The following MCCC2 variants were observed in gnomAD, a reference collection of about 807,000 sequenced individuals.
The protein encoded by MCCC2 is methylcrotonoyl-CoA carboxylase beta chain, mitochondrial.
MCCC2 carries 52 observed loss-of-function variants against 77.2 expected under a neutral mutation model. The ratio of observed to expected loss-of-function variants is 0.67; its 90% CI spans 0.54 to 0.85. The LOEUF (loss-of-function observed/expected upper bound fraction) is 0.85, where lower values mean the gene tolerates loss of function less well. Among genes scored for constraint, MCCC2 ranks in the 40% least tolerant of loss-of-function variants. The pLI is 0.00. For synonymous variants in MCCC2, 253 were observed against 248.4 expected, an observed-to-expected ratio of 1.02 and a Z score of -0.18; for missense variants, 682 against 703.2, an observed-to-expected ratio of 0.97 and a Z score of 0.34.
chr5:71,650,072 A>G lies in MCCC2; in HGVS notation c.1377A>G (p.Pro459=). ...NYGMCGRAYS[P]RFLYIWPNAR... is the part of the protein sequence containing the mutation. ...ATTCTTCCTTTTCTTCCCCCAGCCC[A>G]AGATTTCTCTACATTTGGCCAAATG... is the stretch of plus-strand genomic sequence containing the variant. The change falls in exon 15 of 17, where the codon CCA becomes CCG. Residue 459 remains proline (P), a synonymous_variant. Coordinates refer to ENST00000340941, the MANE Select transcript of MCCC2 (RefSeq NM_022132.5). The G allele has an allele frequency of 6.2e-7, 1 of 1,613,656 alleles. No individual in the cohort carries two copies.
chr5:71,628,100 TC>T (rs1286977112), intron 7 of MCCC2, among the ~76,000 whole-genome samples: 2 of 152,238 alleles, frequency 1.3e-5, no homozygotes, highest in East Asian at 3.8e-4. Flanking sequence ...TGCCTCAGCC[TC>T]CCAAAGTGCT....
chr5:71,599,860 A>G (rs542252859), intron 4 of MCCC2, 100 bp downstream of exon 4: 6 of 932,560 alleles, frequency 6.4e-6, no homozygotes, highest in South Asian at 2.7e-5. Flanking sequence ...TGCGATTTGT[A>G]TGCTATTTAT....
At position 71,652,691 on chromosome 5, in the gene MCCC2, C is replaced by T. The variant is rs1280063335; in HGVS notation, c.1511C>T (p.Ala504Val). 1.2e-6 allele frequency: 2 copies of T among 1,614,000 alleles called. No homozygotes were observed. The highest frequency in any genetic ancestry group is 4.5e-5 in the East Asian group (2 of 44,900). Residue 504 changes from alanine to valine, a missense_variant, in exon 16 of 17, where the codon GCT becomes GTT. Physicochemically the swap from Ala to Val is moderately conservative, Grantham distance 64. Transcript: ENST00000340941. ...TAGTTCTCCAGTGCTGATGAAGCGG[C>T]TTTAAAAGAGCCCATCATTAAGAAG... ...GKQFSSADEAALKEPIIKKFE... is the reference protein window; with the variant it reads ...GKQFSSADEAVLKEPIIKKFE...
At chr5:71,642,529 G>A (rs1190382961) in intron 11 of MCCC2, among the ~76,000 whole-genome samples, 7 of 152,156 alleles carry the variant, frequency 4.6e-5, no homozygotes, top group South Asian at 4.1e-4. Context: ...CCTACTCAGC[G>A]CATCCTGTCT....
At chr5:71,635,462 G>A (rs1746884057) in intron 10 of MCCC2, 2 of 618,234 alleles carry the variant, frequency 3.2e-6, no homozygotes, top group African/African-American at 1.8e-5. Flanking sequence ...GGACCTCAAT[G>A]ATTGGAAAGT....
chr5:71,608,302 GT>G (rs1169543604), intron 6 of MCCC2, among the ~76,000 whole-genome samples: 2 of 121,784 alleles, frequency 1.6e-5, no homozygotes, highest in Non-Finnish European at 3.4e-5. Flanking sequence ...AGCTCTTCTT[GT>G]TGAATTGATC....
In MCCC2 at chr5:71,610,172, T is replaced by A. The variant is rs1745873463; in HGVS notation, c.624+5704T>A. Among the ~76,000 whole-genome samples the A allele has an allele frequency of 3.9e-5, 6 of 152,360 alleles. No individual in the cohort carries two copies. In the South Asian group the frequency reaches 1.2e-3, roughly 32 times the overall value. ...GCGAGCGCCCCTCCCCCAGCCTCGC[T>A]GCCGCCTTGCAGTTTGATCTCAGAC... On this transcript the variant is annotated intron_variant, in intron 6 of 16. Coordinates refer to ENST00000340941, the MANE Select transcript of MCCC2 (RefSeq NM_022132.5).
intron 3 of MCCC2, among the ~76,000 whole-genome samples, chr5:71,597,680 A>G (rs558850606): frequency 1.3e-5 from 2 of 152,326 alleles, no homozygotes; most frequent in East Asian, 3.9e-4. Context: ...TTCTCCTGAC[A>G]CGTGCACACA....
intron 8 of MCCC2, among the ~76,000 whole-genome samples, chr5:71,633,091 T>TTATATATATATATATATATATA (rs137979624): frequency 1.2e-5 from 1 of 84,242 alleles, no homozygotes; most frequent in African/African-American, 5.1e-5. Context: ...TTTTTCAGTT[T>TTATATATATATATATATATATA]TATATATATA....
intron 13 of MCCC2, among the ~76,000 whole-genome samples, chr5:71,647,527 T>C (rs1047783287): frequency 6.6e-6 from 1 of 152,228 alleles, no homozygotes; most frequent in East Asian, 1.9e-4. Context: ...TTTGAAGATA[T>C]CTACATTTTT....
intron 11 of MCCC2, among the ~76,000 whole-genome samples, chr5:71,643,416 G>A (rs990632980): frequency 6.6e-5 from 10 of 152,228 alleles, no homozygotes; most frequent in Admixed American, 2.6e-4. Context: ...TGGCTTATCA[G>A]TATGTTGATA....
chr5:71,593,538 ATAAT>A (rs556656000), intron 2 of MCCC2, among the ~76,000 whole-genome samples: 280 of 151,404 alleles, frequency 1.8e-3, no homozygotes, highest in Non-Finnish European at 2.8e-3. Flanking sequence ...TTATGAATAA[ATAAT>A]TTATTTTTAA....
At chr5:71,619,905 C>T (rs371754217) in intron 6 of MCCC2, among the ~76,000 whole-genome samples, 3 of 151,786 alleles carry the variant, frequency 2.0e-5, no homozygotes, top group African/African-American at 2.4e-5. Context: ...GCAGTAGAAT[C>T]GCTTGGACCC....
rs778175767 is a variant in MCCC2 at position 71,649,188 on chromosome 5, G to A, written c.1308G>A (p.Lys436=). 6 of 1,614,076 alleles carry A rather than the reference G, an allele frequency of 3.7e-6. No homozygotes were observed. The change falls in exon 14 of 17, where the codon AAG becomes AAA. Residue 436 remains lysine (K), a synonymous_variant. Transcript: ENST00000340941. ...CTGTGGCCTGTGCCCAAGTGCCTAAGATAACCCTCATCATTGGGGGCTCCT... is the reference window on the plus strand; with the variant it reads ...CTGTGGCCTGTGCCCAAGTGCCTAAAATAACCCTCATCATTGGGGGCTCCT... ...VAAVACAQVP[K]ITLIIGGSYG...
intron 12 of MCCC2, among the ~76,000 whole-genome samples, 179 bp downstream of exon 12, chr5:71,644,074 C>CGTGT (rs1224306842): frequency 3.7e-5 from 5 of 134,494 alleles, no homozygotes; most frequent in East Asian, 2.0e-4. Context: ...TGTGTGTGCG[C>CGTGT]GCGTGTGTAT....
chr5:71,616,453 A>T (rs1487696388), intron 6 of MCCC2, among the ~76,000 whole-genome samples: 8 of 152,218 alleles, frequency 5.3e-5, no homozygotes, highest in African/African-American at 1.9e-4. Flanking sequence ...GGATTAGAGG[A>T]CAGCTGGTGT....
chr5:71,641,076 G>C lies in MCCC2; in HGVS notation c.1072+1G>C, dbSNP rs781013376. The stretch of plus-strand genomic sequence containing the variant: ...TTTTATGGAGACACATTAGTTACAG[G>C]TATAAAGGTGAAGAATTGAAAATAC... On this transcript the variant is annotated splice_donor_variant, in intron 11 of 16. Coordinates refer to ENST00000340941, the MANE Select transcript of MCCC2 (RefSeq NM_022132.5). LOFTEE classifies it high-confidence loss of function. 2.5e-6 allele frequency: 4 copies of C among 1,612,516 alleles called. No individual in the cohort carries two copies. Among genetic ancestry groups the C allele is most frequent in the Non-Finnish European group, 3.4e-6 (4 of 1,178,566 alleles).
In MCCC2 at chr5:71,647,487, G is replaced by A. The variant is rs189293566; in HGVS notation, c.1216+1210G>A. Among the ~76,000 whole-genome samples, 99 of 152,308 alleles carry A rather than the reference G, an allele frequency of 6.5e-4. 1 individual carries two copies. On this transcript the variant is annotated intron_variant, in intron 13 of 16. Coordinates refer to ENST00000340941, the MANE Select transcript of MCCC2 (RefSeq NM_022132.5). ...TGTTTTTAATAATGATTCCTGGATT[G>A]TTAACCACCAGGCAGTTAAAACTCT...
intron 6 of MCCC2, among the ~76,000 whole-genome samples, chr5:71,624,818 T>A (rs1476936100): frequency 1.3e-5 from 2 of 151,674 alleles, no homozygotes; most frequent in South Asian, 2.1e-4. Flanking sequence ...TTCAGCCTCC[T>A]GAGTAGCTGG....
Sources: gnomAD v4.1 joint callset for allele counts (sites outside exome capture counted in the v4.1 genomes callset) on GRCh38, gnomAD v4.1.1 for gene constraint, MANE v1.5 for transcripts, NCBI Gene and HGNC (gene_info 2026-07-23, HGNC 2026-07-21) for gene names.